Variants in KCNC4 observed in about 807,000 individuals in gnomAD.
KCNC4 encodes the protein voltage-gated potassium channel KCNC4.
A neutral mutation model predicts 42.8 loss-of-function variants in KCNC4; 23 were observed. That is an observed-to-expected ratio of 0.54 (90% CI 0.39 to 0.76). The LOEUF is 0.76. Among genes scored for constraint, KCNC4 ranks in the 30% least tolerant of loss-of-function variants. KCNC4 has a pLI of 0.00. For missense variants in KCNC4, 751 were observed against 898.2 expected (o/e 0.84, Z 2.10); for synonymous variants, 422 against 393.5 (o/e 1.07, Z -0.86).
intron 1 of KCNC4, among the ~76,000 whole-genome samples, chr1:110,217,038 AC>A (rs1657833778): frequency 6.6e-6 from 1 of 152,188 alleles, no homozygotes; most frequent in Non-Finnish European, 1.5e-5. Flanking sequence ...GAAAACACTT[AC>A]TGCGTACTTA....
At chr1:110,267,617 T>C (rs1238794254) in intron 1 of KCNC4, among the ~76,000 whole-genome samples, 1 of 152,226 alleles carries the variant, frequency 6.6e-6, no homozygotes, top group African/African-American at 2.4e-5. Context: ...CTTATTCTGT[T>C]CCTTTTAGCA....
At chr1:110,263,764 C>A (rs554758592) in intron 1 of KCNC4, among the ~76,000 whole-genome samples, 4 of 150,696 alleles carry the variant, frequency 2.7e-5, no homozygotes, top group African/African-American at 9.7e-5. Flanking sequence ...AAATTGAGGC[C>A]TGGAAGGCAA....
At chr1:110,234,586 T>C (rs1259841789), downstream of KCNC4, 5 of 152,214 alleles carry the variant, frequency 3.3e-5, no homozygotes, top group Admixed American at 2.6e-4. Flanking sequence ...TGGCTCTCAC[T>C]GTTGTTATCC....
At chr1:110,214,641 G>T (rs888904625) in intron 1 of KCNC4, among the ~76,000 whole-genome samples, 5 of 152,236 alleles carry the variant, frequency 3.3e-5, no homozygotes, top group African/African-American at 1.2e-4. Context: ...CACACAGCCA[G>T]ATAGTGGCCA....
In KCNC4 at chr1:110,223,818, G is replaced by A. The variant is rs146151572; in HGVS notation, c.1533G>A (p.Glu511=). 1.3e-3 allele frequency: 2,108 copies of A among 1,613,818 alleles called. 3 individuals are homozygous for A. Among genetic ancestry groups the A allele is most frequent in the South Asian group, 2.2e-3 (202 of 91,056 alleles). ...AGTCACCCATGTACTGCAAGTCTGAGGAGACTTCCCCCCGGGACAGCACCT... is the reference window on the plus strand; with the variant it reads ...AGTCACCCATGTACTGCAAGTCTGAAGAGACTTCCCCCCGGGACAGCACCT... The part of the protein sequence containing the change: ...QLESPMYCKS[E]ETSPRDSTCS... The change falls in exon 2 of 4, where the codon GAG becomes GAA. Residue 511 remains glutamate, a synonymous_variant. Coordinates refer to ENST00000438661, the MANE Select transcript of KCNC4 (RefSeq NM_001039574.3). The surrounding 1 kb of genome is among the most constrained non-coding windows in gnomAD (Gnocchi z 7.5).
chr1:110,262,578 C>T lies in KCNC4; in HGVS notation n.31-19956C>T, dbSNP rs148773289. ...TTCTTGTATCATACATTTTAAGGTC[C>T]ATTTACTTGACCTACTCTGGCTCCC... is the stretch of plus-strand genomic sequence containing the variant. On this transcript the variant is annotated intron_variant and non_coding_transcript_variant, in intron 1 of 2. Coordinates refer to the KCNC4 transcript ENST00000412512. Among the ~76,000 whole-genome samples, 620 of 152,296 alleles carry T rather than the reference C, an allele frequency of 4.1e-3. 3 individuals carry two copies. Among genetic ancestry groups the T allele is most frequent in the Admixed American group, 7.1e-3 (108 of 15,304 alleles).
In KCNC4 at chr1:110,223,581, C is replaced by T. The variant is rs764282706; in HGVS notation, c.1296C>T (p.Val432=). Residue 432 remains valine, a synonymous_variant, in exon 2 of 4, where the codon GTC becomes GTT. Transcript: ENST00000438661. This position sits in a 1 kb window ranked among gnomAD's most constrained non-coding sequence, Gnocchi z 7.5. ...CCATTGGCTTCTGGTGGGCTGTGGT[C>T]ACCATGACGACACTGGGCTACGGAG... ...NIPIGFWWAV[V]TMTTLGYGDM... The T allele has an allele frequency of 6.2e-7, 1 of 1,614,058 alleles. No individual in the cohort carries two copies. The highest frequency in any genetic ancestry group is 1.7e-5 in the Admixed American group (1 of 60,032).
intron 1 of KCNC4, among the ~76,000 whole-genome samples, chr1:110,267,548 T>C (rs576586851): frequency 1.3e-5 from 2 of 152,306 alleles, no homozygotes; most frequent in East Asian, 3.9e-4. Flanking sequence ...CTTCCTTCCC[T>C]GGCCAGCAAA....
chr1:110,222,142 C>G (rs1202647047), intron 1 of KCNC4: 1 of 152,172 alleles, frequency 6.6e-6, no homozygotes, highest in Non-Finnish European at 1.5e-5. Context: ...TCTGACCAGA[C>G]CACCCTCTCA....
chr1:110,214,708 A>G (rs934128990), intron 1 of KCNC4, among the ~76,000 whole-genome samples: 1 of 152,220 alleles, frequency 6.6e-6, no homozygotes, highest in African/African-American at 2.4e-5. Context: ...TGTGATTACA[A>G]CACCTTCTTT....
chr1:110,243,303 A>G (rs1298456074), exon 4 of KCNC4: 1 of 152,226 alleles, frequency 6.6e-6, no homozygotes, highest in African/African-American at 2.4e-5. Flanking sequence ...GAGACAACTC[A>G]CTGTCATGAC....
chr1:110,211,301 C>T lies in KCNC4; in HGVS notation c.-199C>T. ...AGCTTCCTGCCCTAACCCCAACCAC[C>T]TGTGTACCGGAGAAATCCAACTCCT... On this transcript the variant is annotated 5_prime_UTR_variant, in exon 1 of 4. Coordinates refer to ENST00000438661, the MANE Select transcript of KCNC4 (RefSeq NM_001039574.3). The surrounding 1 kb of genome is among the most constrained non-coding windows in gnomAD (Gnocchi z 6.5). 2 of 746,238 alleles carry T rather than the reference C, an allele frequency of 2.7e-6. No individual in the cohort carries two copies. Among genetic ancestry groups the T allele is most frequent in the Non-Finnish European group, 2.1e-6 (1 of 471,922 alleles). The allele number at this position is 746,238 out of a possible 1,614,324, so 46.2% of individuals were successfully genotyped here. A position where few individuals can be genotyped will look rare whatever the true frequency, so the allele number is the denominator to read the frequency against.
At chr1:110,219,730 C>T (rs956523312) in intron 1 of KCNC4, 1 of 152,118 alleles carries the variant, frequency 6.6e-6, no homozygotes, top group South Asian at 2.1e-4. Context: ...GCTGTGTATC[C>T]CTGCCCACAG....
At chr1:110,275,289 T>C (rs773867444) in intron 1 of KCNC4, among the ~76,000 whole-genome samples, 3 of 152,124 alleles carry the variant, frequency 2.0e-5, no homozygotes, top group Non-Finnish European at 2.9e-5. Context: ...CAGGTTTTAA[T>C]GCAAATCAAA....
chr1:110,272,762 C>G (rs989289710), intron 1 of KCNC4, among the ~76,000 whole-genome samples: 15 of 152,142 alleles, frequency 9.9e-5, no homozygotes, highest in Non-Finnish European at 4.4e-5. Context: ...TGAGCCCTAA[C>G]AGTTCAGATT....
chr1:110,266,280 A>G (rs1252528731), intron 1 of KCNC4, among the ~76,000 whole-genome samples: 1 of 152,182 alleles, frequency 6.6e-6, no homozygotes. Context: ...AGATATTGAA[A>G]CATTCATAGC....
chr1:110,280,647 C>CAAATG (rs10665441), intron 1 of KCNC4, among the ~76,000 whole-genome samples: 1 of 151,840 alleles, frequency 6.6e-6, no homozygotes, highest in Admixed American at 6.6e-5. Context: ...CCAGATTTAG[C>CAAATG]AAATTACAGG....
At chr1:110,226,914 G>T (rs61784497) in intron 3 of KCNC4, among the ~76,000 whole-genome samples, 3,654 of 152,330 alleles carry the variant, frequency 0.024, 63 homozygotes, top group Middle Eastern at 0.051. Flanking sequence ...TGGAGCTAGG[G>T]ATTCCTGGCC....
In KCNC4 at chr1:110,240,800, G is replaced by A. The variant is rs75290100; in HGVS notation, c.*8491G>A. On this transcript the variant is annotated 3_prime_UTR_variant, in exon 4 of 4. Transcript: ENST00000369787. The stretch of plus-strand genomic sequence containing the variant: ...CCACCACAGCAAAGCTGCTCCTGGG[G>A]CCTCCCTCCTAGTTAGGCTGCCGAG... 1.9e-3 allele frequency: 286 copies of A among 152,666 alleles called. 8 individuals carry two copies. In the East Asian group the frequency reaches 0.046, roughly 25 times the overall value. 9.5% of individuals were successfully genotyped at this position (152,666 alleles called of 1,614,324 possible). A position where few individuals can be genotyped will look rare whatever the true frequency, so the allele number is the denominator to read the frequency against.
Sources: gnomAD v4.1 joint callset for allele counts (sites outside exome capture counted in the v4.1 genomes callset) on GRCh38, gnomAD v4.1.1 for gene constraint, Gnocchi (gnomAD v3.1) non-coding constraint, MANE v1.5 for transcripts, NCBI Gene and HGNC (gene_info 2026-07-23, HGNC 2026-07-21) for gene names.